MBTD1: variants seen among roughly 807,000 people sequenced by gnomAD.
MBTD1 encodes MBT domain-containing protein 1.
Under a neutral mutation model 87.8 loss-of-function variants are expected in MBTD1, and 24 were observed. That is an observed-to-expected ratio of 0.27 (90% CI 0.20 to 0.38). MBTD1 has a LOEUF of 0.38. Ranked by LOEUF, MBTD1 falls within the 10% of genes least tolerant of loss-of-function variation. MBTD1 has a pLI of 1.00. For synonymous variants in MBTD1, 237 were observed against 248.6 expected (o/e 0.95, Z 0.44); for missense variants, 436 against 760.2 (o/e 0.57, Z 5.02).
intron 12 of MBTD1, 48 bp downstream of exon 12, chr17:51,201,544 C>T (rs984851226): frequency 2.4e-6 from 3 of 1,270,130 alleles, no homozygotes; most frequent in African/African-American, 3.0e-5. Context: ...TTAGCTTATA[C>T]CCAAATCCTA....
At chr17:51,208,698 G>C (rs1327142231) in intron 6 of MBTD1, among the ~76,000 whole-genome samples, 1 of 152,180 alleles carries the variant, frequency 6.6e-6, no homozygotes, top group Non-Finnish European at 1.5e-5. Flanking sequence ...AAAGAGGCGT[G>C]CTTATGCTAA....
At chr17:51,207,722 T>A (rs1439409987) in intron 6 of MBTD1, among the ~76,000 whole-genome samples, 1 of 152,164 alleles carries the variant, frequency 6.6e-6, no homozygotes, top group African/African-American at 2.4e-5. Context: ...TAAATGAGCA[T>A]CATGAAGGGA....
chr17:51,258,587 T>C, intron 2 of MBTD1, among the ~76,000 whole-genome samples: 1 of 151,812 alleles, frequency 6.6e-6, no homozygotes, highest in East Asian at 1.9e-4. Flanking sequence ...ACAGGTCAAA[T>C]ACGGGTGTGG....
intron 2 of MBTD1, among the ~76,000 whole-genome samples, chr17:51,252,222 A>T (rs2054828332): frequency 6.6e-6 from 1 of 152,194 alleles, no homozygotes; most frequent in South Asian, 2.1e-4. Flanking sequence ...CAGTGGCCCA[A>T]ATAGGCTAAG....
chr17:51,234,280 C>T (rs2053700470), intron 2 of MBTD1, among the ~76,000 whole-genome samples: 1 of 151,272 alleles, frequency 6.6e-6, no homozygotes, highest in Non-Finnish European at 1.5e-5. Flanking sequence ...GTAATCCCAG[C>T]GACTCAGGAG....
chr17:51,252,120 T>C (rs1340045739), intron 2 of MBTD1, among the ~76,000 whole-genome samples: 1 of 152,200 alleles, frequency 6.6e-6, no homozygotes, highest in Non-Finnish European at 1.5e-5. Flanking sequence ...ATATTTGTAA[T>C]ATGCTTAGTA....
At position 51,202,096 on chromosome 17, in the gene MBTD1, C is replaced by T. The variant is rs1475222465; in HGVS notation, c.1064-19G>A. The stretch of plus-strand genomic sequence containing the variant: ...GTAATATCTACAAGGAAAAGTTACA[C>T]ACTAATCTGTCAGCATTTGTGAGAA... On this transcript the variant is annotated intron_variant, in intron 10 of 16. Coordinates refer to ENST00000586178, the MANE Select transcript of MBTD1 (RefSeq NM_017643.3). 2 of 1,522,870 alleles carry T rather than the reference C, an allele frequency of 1.3e-6. No homozygotes were observed. The highest frequency in any genetic ancestry group is 1.7e-5 in the Admixed American group (1 of 58,528). 94.3% of individuals were successfully genotyped at this position (1,522,870 alleles called of 1,614,324 possible). A position where few individuals can be genotyped will look rare whatever the true frequency, so the allele number is the denominator to read the frequency against.
At chr17:51,231,660 A>G (rs2053557527) in intron 2 of MBTD1, among the ~76,000 whole-genome samples, 1 of 152,222 alleles carries the variant, frequency 6.6e-6, no homozygotes, top group Admixed American at 6.5e-5. Context: ...TCTGCACAAC[A>G]CAAGGGGAAT....
chr17:51,237,914 C>T (rs991685478), intron 2 of MBTD1, among the ~76,000 whole-genome samples: 2 of 152,118 alleles, frequency 1.3e-5, no homozygotes, highest in Non-Finnish European at 1.5e-5. Context: ...AATTGTGGTA[C>T]GTCCATACAA....
intron 2 of MBTD1, among the ~76,000 whole-genome samples, chr17:51,238,867 AGGTG>A (rs2054000693): frequency 6.6e-6 from 1 of 152,194 alleles, no homozygotes; most frequent in Admixed American, 6.6e-5. Context: ...TGGGAGGCTG[AGGTG>A]GATGGATCAC....
chr17:51,203,885 G>T lies in MBTD1; in HGVS notation c.645C>A (p.Asp215Glu). The change falls in exon 8 of 17, where the codon GAC becomes GAA. Residue 215 changes from aspartate to glutamate, a missense_variant. Physicochemically the swap from Asp to Glu is conservative, Grantham distance 45. This residue lies in a region of MBTD1 where 268 missense variants were observed against 401.8 expected (regional missense o/e 0.67). Transcript: ENST00000586178. ...TATTGCACCAGAAGTCCAGACCAGAGTCATTTTCAAATCCTTCATATCTTA... is the reference window on the plus strand; with the variant it reads ...TATTGCACCAGAAGTCCAGACCAGATTCATTTTCAAATCCTTCATATCTTA... ...ALLRYEGFENDSGLDFWCNIC... is the reference protein window; with the variant it reads ...ALLRYEGFENESGLDFWCNIC... 1 of 1,612,564 alleles carries T rather than the reference G, an allele frequency of 6.2e-7. No homozygotes were observed. The highest frequency in any genetic ancestry group is 8.5e-7 in the Non-Finnish European group (1 of 1,179,418).
At position 51,204,070 on chromosome 17, in the gene MBTD1, C is replaced by T. The variant is rs1301982963; in HGVS notation, c.605-145G>A. 3 of 664,344 alleles carry T rather than the reference C, an allele frequency of 4.5e-6. No homozygotes were observed. In the Admixed American group the frequency reaches 9.0e-5, roughly 20 times the overall value. 41.2% of individuals were successfully genotyped at this position (664,344 alleles called of 1,614,324 possible). A position where few individuals can be genotyped will look rare whatever the true frequency, so the allele number is the denominator to read the frequency against. ...TTAACAGACAGATGGCTGGGTCTCA[C>T]TCCAGAGATTCTGATTTTGTAGATC... On this transcript the variant is annotated intron_variant, in intron 7 of 16. Coordinates refer to ENST00000586178, the MANE Select transcript of MBTD1 (RefSeq NM_017643.3).
rs750134417 is a variant in MBTD1 at position 51,225,194 on chromosome 17, G to C, written c.-33C>G. Reference sequence around the variant, plus strand: ...GAATCTCTTCTTTTCCTTTCAGATCGTGAAGAATGTTCAGTCTTTGAAGTA... The same window carrying C: ...GAATCTCTTCTTTTCCTTTCAGATCCTGAAGAATGTTCAGTCTTTGAAGTA... On this transcript the variant is annotated 5_prime_UTR_variant, in exon 3 of 17. Transcript: ENST00000586178. The C allele has an allele frequency of 6.6e-7, 1 of 1,514,576 alleles. No homozygotes were observed. Among genetic ancestry groups the C allele is most frequent in the South Asian group, 1.3e-5 (1 of 78,036 alleles). The allele number at this position is 1,514,576 out of a possible 1,614,324, so 93.8% of individuals were successfully genotyped here.
chr17:51,182,289 G>T (rs141799781), intron 16 of MBTD1, among the ~76,000 whole-genome samples: 1 of 151,806 alleles, frequency 6.6e-6, no homozygotes, highest in Non-Finnish European at 1.5e-5. Flanking sequence ...CATGCCTGGC[G>T]AATTCTTTTG....
chr17:51,240,583 CAG>C (rs1174741827), intron 2 of MBTD1, among the ~76,000 whole-genome samples: 2 of 152,138 alleles, frequency 1.3e-5, no homozygotes, highest in African/African-American at 4.8e-5. Flanking sequence ...TCCTTTGTAT[CAG>C]AGCATTTCAA....
chr17:51,195,462 G>C lies in MBTD1; in HGVS notation c.1225-101C>G, dbSNP rs1011436549. Reference sequence around the variant, plus strand: ...AGAAAGGAAAATCTATTATATAAAGGTCTCTTCAAAGTGAAACATGCTTCT... The same window carrying C: ...AGAAAGGAAAATCTATTATATAAAGCTCTCTTCAAAGTGAAACATGCTTCT... On this transcript the variant is annotated intron_variant, in intron 12 of 16. Coordinates refer to ENST00000586178, the MANE Select transcript of MBTD1 (RefSeq NM_017643.3). 4 of 916,408 alleles carry C rather than the reference G, an allele frequency of 4.4e-6. No individual in the cohort carries two copies. In the African/African-American group the frequency reaches 6.8e-5, roughly 16 times the overall value. 56.8% of individuals were successfully genotyped at this position (916,408 alleles called of 1,614,324 possible).
chr17:51,198,857 C>T (rs1248705905), intron 12 of MBTD1, among the ~76,000 whole-genome samples: 1 of 152,158 alleles, frequency 6.6e-6, no homozygotes, highest in East Asian at 1.9e-4. Flanking sequence ...GGCCGAAGTG[C>T]AGTGGCTCGA....
At position 51,248,700 on chromosome 17, in the gene MBTD1, TTTC is replaced by T. The variant is rs1254724068; in HGVS notation, c.-49+10440_-49+10442del. ...TCATTCATGTTACATGTATAAATGG[TTTC>T]TTTTTATTGCTGAGTAATACTCGTC... On this transcript the variant is annotated intron_variant, in intron 2 of 16. Coordinates refer to ENST00000586178, the MANE Select transcript of MBTD1 (RefSeq NM_017643.3). 2.0e-5 allele frequency among the ~76,000 whole-genome samples: 3 copies of T among 152,338 alleles called. No homozygotes were observed. In the East Asian group the frequency reaches 5.8e-4, roughly 29 times the overall value.
chr17:51,225,262 C>G, intron 2 of MBTD1, 53 bp from the exon 3 acceptor site: 2 of 897,004 alleles, frequency 2.2e-6, no homozygotes, highest in South Asian at 2.9e-5. Flanking sequence ...TACACACCCC[C>G]TAAAAGACCC....
Sources: allele counts gnomAD v4.1 joint callset (sites outside exome capture counted in the v4.1 genomes callset), GRCh38; gene constraint gnomAD v4.1.1; regional missense constraint gnomAD v4.1.1; transcripts MANE v1.5; gene names NCBI Gene and HGNC (gene_info 2026-07-23, HGNC 2026-07-21).